DENND1B: variants seen among roughly 807,000 people sequenced by gnomAD.
The protein encoded by DENND1B is DENN domain-containing protein 1B.
DENND1B carries 59 observed loss-of-function variants against 90.1 expected under a neutral mutation model. The ratio of observed to expected loss-of-function variants is 0.65; its 90% CI spans 0.53 to 0.81. The LOEUF is 0.81. Ranked by LOEUF, DENND1B falls within the 40% of genes least tolerant of loss-of-function variation. DENND1B has a pLI of 0.00. For missense variants in DENND1B, 862 were observed against 912.6 expected (o/e 0.94, Z 0.71); for synonymous variants, 337 against 324.6 (o/e 1.04, Z -0.41).
At chr1:197,636,661 C>G (rs1679820737) in intron 10 of DENND1B, among the ~76,000 whole-genome samples, 1 of 152,010 alleles carries the variant, frequency 6.6e-6, no homozygotes. Flanking sequence ...AAAGCATGCC[C>G]TATATTATAT....
chr1:197,655,078 C>A (rs1369935201), intron 6 of DENND1B, among the ~76,000 whole-genome samples: 1 of 152,066 alleles, frequency 6.6e-6, no homozygotes, highest in Non-Finnish European at 1.5e-5. Context: ...AAGCTGAAAA[C>A]AAGCTTTTCC....
intron 10 of DENND1B, among the ~76,000 whole-genome samples, chr1:197,641,623 C>G (rs907228779): frequency 6.6e-6 from 1 of 151,948 alleles, no homozygotes; most frequent in Admixed American, 6.6e-5. Context: ...TAAATTCATA[C>G]AAATTATATG....
chr1:197,727,047 C>G (rs1661703516), intron 2 of DENND1B, among the ~76,000 whole-genome samples: 1 of 152,074 alleles, frequency 6.6e-6, no homozygotes, highest in Admixed American at 6.6e-5. Flanking sequence ...TAAAATCTTC[C>G]CTGATCATAT....
At chr1:197,536,567 G>A (rs968477290) in intron 20 of DENND1B, among the ~76,000 whole-genome samples, 3 of 152,040 alleles carry the variant, frequency 2.0e-5, no homozygotes, top group African/African-American at 7.2e-5. Context: ...AAAATTAAGG[G>A]TGAAATGTAG....
intron 11 of DENND1B, among the ~76,000 whole-genome samples, chr1:197,614,522 C>T (rs1014563761): frequency 2.0e-5 from 3 of 150,928 alleles, no homozygotes; most frequent in African/African-American, 4.8e-5. Context: ...GATGTTTTGT[C>T]CTCTATGTGA....
chr1:197,720,937 A>G (rs560522398), intron 2 of DENND1B, among the ~76,000 whole-genome samples: 1 of 152,142 alleles, frequency 6.6e-6, no homozygotes, highest in Non-Finnish European at 1.5e-5. Flanking sequence ...CCTATAGATG[A>G]CAATATTTAA....
intron 16 of DENND1B, among the ~76,000 whole-genome samples, chr1:197,548,058 C>A (rs773209720): frequency 5.9e-5 from 9 of 152,190 alleles, no homozygotes; most frequent in Non-Finnish European, 1.3e-4. Flanking sequence ...GTTTAGCATT[C>A]TGTAACCTTT....
At chr1:197,597,050 T>C (rs1360570302) in intron 13 of DENND1B, among the ~76,000 whole-genome samples, 1 of 151,936 alleles carries the variant, frequency 6.6e-6, no homozygotes, top group African/African-American at 2.4e-5. Flanking sequence ...TTTCAATTTA[T>C]ATCCAAGCTC....
At chr1:197,735,472 T>C (rs1224903245) in intron 2 of DENND1B, 35 of 1,539,740 alleles carry the variant, frequency 2.3e-5, no homozygotes, top group Non-Finnish European at 3.0e-5. Flanking sequence ...TTTCCTTTGT[T>C]AGAAGAAGTG....
intron 2 of DENND1B, among the ~76,000 whole-genome samples, chr1:197,754,988 T>G (rs901063450): frequency 3.9e-5 from 6 of 152,174 alleles, no homozygotes; most frequent in African/African-American, 1.4e-4. Context: ...TATACATACA[T>G]AGGCATACAT....
chr1:197,781,579 G>A, the DENND1B span, among the ~76,000 whole-genome samples: 1 of 152,132 alleles, frequency 6.6e-6, no homozygotes, highest in Non-Finnish European at 1.5e-5. Flanking sequence ...CAATCTGAAG[G>A]TAAAATCTCC....
upstream of DENND1B, among the ~76,000 whole-genome samples, chr1:197,776,619 A>G (rs1340629139): frequency 6.6e-6 from 1 of 152,214 alleles, no homozygotes; most frequent in Non-Finnish European, 1.5e-5. Context: ...ATGTAGTGTG[A>G]GTCATAAGAC....
rs149424138 is a variant in DENND1B at position 197,592,716 on chromosome 1, T to TG, written c.1047+2491dup. Among the ~76,000 whole-genome samples the TG allele has an allele frequency of 5.9e-3, 897 of 152,284 alleles. 13 individuals are homozygous for TG. The highest frequency in any genetic ancestry group is 0.02 in the African/African-American group (839 of 41,566). ...AGTTTAGGAAAAAAGGATAACAGAC[T>TG]GCCTGCCCATGGTAAGGGCCTTGAA... On this transcript the variant is annotated intron_variant, in intron 14 of 22. Coordinates refer to ENST00000620048, the MANE Select transcript of DENND1B (RefSeq NM_001195215.2).
In DENND1B at chr1:197,656,233, T is replaced by C. The variant is rs75539030; in HGVS notation, c.366+2067A>G. The stretch of plus-strand genomic sequence containing the variant: ...AGAAAAGAGAACCAAGAATATAACA[T>C]AAATAACACCAAAATTTTAGGTGTA... On this transcript the variant is annotated intron_variant, in intron 6 of 22. Transcript: ENST00000620048. Among the ~76,000 whole-genome samples the C allele has an allele frequency of 1.2e-3, 178 of 151,636 alleles. No individual in the cohort carries two copies. In the East Asian group the frequency reaches 0.03, roughly 26 times the overall value.
chr1:197,564,546 A>G (rs1436824104), intron 15 of DENND1B, among the ~76,000 whole-genome samples: 1 of 151,826 alleles, frequency 6.6e-6, no homozygotes, highest in African/African-American at 2.4e-5. Flanking sequence ...GACAGTATAA[A>G]CCTAATGTTT....
At chr1:197,656,897 GTTTTAA>G (rs1384943263) in intron 6 of DENND1B, among the ~76,000 whole-genome samples, 2 of 151,910 alleles carry the variant, frequency 1.3e-5, no homozygotes, top group Non-Finnish European at 2.9e-5. Context: ...GCAAACTACA[GTTTTAA>G]TTTTATTTTT....
chr1:197,583,372 C>A (rs529596441), intron 14 of DENND1B, 119 bp from the exon 15 acceptor site: 3 of 797,294 alleles, frequency 3.8e-6, no homozygotes, highest in South Asian at 1.8e-5. Flanking sequence ...GCAACAGACC[C>A]TTCCTTACAC....
chr1:197,562,646 C>T (rs1035423114), intron 15 of DENND1B, among the ~76,000 whole-genome samples: 6 of 151,720 alleles, frequency 4.0e-5, no homozygotes, highest in African/African-American at 1.5e-4. Flanking sequence ...CATCTCTCTC[C>T]CTCTCCTCAG....
At chr1:197,552,117 G>T in intron 16 of DENND1B, 1 of 653,336 alleles carries the variant, frequency 1.5e-6, no homozygotes, top group Non-Finnish European at 1.9e-6. Context: ...ATTACGTTTT[G>T]TCTTTTCATG....
Sources: gnomAD v4.1 joint callset for allele counts (sites outside exome capture counted in the v4.1 genomes callset) on GRCh38, gnomAD v4.1.1 for gene constraint, MANE v1.5 for transcripts, NCBI Gene and HGNC (gene_info 2026-07-23, HGNC 2026-07-21) for gene names.